The following ADARB1 variants were observed in gnomAD, a reference collection of about 807,000 sequenced individuals.
ADARB1 encodes the protein adenosine deaminase RNA specific B1, also known as double-stranded RNA-specific editase 1.
A neutral mutation model predicts 52.4 loss-of-function variants in ADARB1; 10 were observed. That is an observed-to-expected ratio of 0.19 (90% CI 0.12 to 0.32). ADARB1 has a LOEUF of 0.32. Among genes scored for constraint, ADARB1 ranks in the 10% least tolerant of loss-of-function variants. The pLI is 1.00. For synonymous variants in ADARB1, 349 were observed against 371.1 expected, an observed-to-expected ratio of 0.94 and a Z score of 0.68; for missense variants, 643 against 922.3, an observed-to-expected ratio of 0.70 and a Z score of 3.92.
intron 1 of ADARB1, among the ~76,000 whole-genome samples, chr21:45,127,944 T>A (rs1350374519): frequency 6.6e-6 from 1 of 152,224 alleles, no homozygotes; most frequent in Non-Finnish European, 1.5e-5. Flanking sequence ...CAACCTCTGC[T>A]TCAGAAGCAG....
chr21:45,136,417 A>G (rs180800022), intron 2 of ADARB1, among the ~76,000 whole-genome samples: 7 of 152,348 alleles, frequency 4.6e-5, no homozygotes, highest in Admixed American at 1.3e-4. Flanking sequence ...AGATTTAGGG[A>G]AAATAACGTC....
intron 1 of ADARB1, among the ~76,000 whole-genome samples, chr21:45,079,574 G>T (rs1410981376): frequency 6.6e-6 from 1 of 152,164 alleles, no homozygotes; most frequent in Non-Finnish European, 1.5e-5. Flanking sequence ...TTGGGTCATT[G>T]TGCAGCTACT....
At chr21:45,171,139 C>T (rs1176650565) in intron 2 of ADARB1, among the ~76,000 whole-genome samples, 2 of 152,336 alleles carry the variant, frequency 1.3e-5, no homozygotes, top group East Asian at 3.9e-4. Context: ...TGAGGTCTGT[C>T]GCCATCTGTC....
intron 1 of ADARB1, among the ~76,000 whole-genome samples, chr21:45,109,208 C>CGCGCTTGTGTGTATATGTGTGT (rs2087405583): frequency 1.4e-5 from 2 of 148,012 alleles, no homozygotes; most frequent in Non-Finnish European, 3.0e-5. Context: ...CGTGTGTTTG[C>CGCGCTTGTGTGTATATGTGTGT]GCGCGTGTGT....
At position 45,200,887 on chromosome 21, in the gene ADARB1, A is replaced by G. The variant is rs1437500597; in HGVS notation, c.1566-3668A>G. Among the ~76,000 whole-genome samples the G allele has an allele frequency of 6.6e-6, 1 of 152,094 alleles. No homozygotes were observed. Among genetic ancestry groups the G allele is most frequent in the Non-Finnish European group, 1.5e-5 (1 of 68,006 alleles). ...CTCAGTCTCTCAGGCCGGGCCCTTT[A>G]CTGAATCAGGGGACAGATCAGATGA... On this transcript the variant is annotated intron_variant, in intron 8 of 10. Transcript: ENST00000348831. This position sits in a 1 kb window ranked among gnomAD's most constrained non-coding sequence, Gnocchi z 5.0.
chr21:45,206,560 CTTTTTTTTTTTT>C (rs71199660), intron 9 of ADARB1, among the ~76,000 whole-genome samples: 9 of 54,958 alleles, frequency 1.6e-4, no homozygotes, highest in African/African-American at 3.8e-4. Flanking sequence ...CTTCTCTGGT[CTTTTTTTTTTTT>C]TTTTTTTTTT....
chr21:45,150,369 C>T (rs1179113218), intron 2 of ADARB1, among the ~76,000 whole-genome samples: 1 of 151,942 alleles, frequency 6.6e-6, no homozygotes, highest in African/African-American at 2.4e-5. Flanking sequence ...AATAACAAAG[C>T]AAAAATTATA....
intron 6 of ADARB1, 51 bp from the exon 7 acceptor site, chr21:45,183,311 T>C: frequency 6.6e-7 from 1 of 1,514,294 alleles, no homozygotes; most frequent in Non-Finnish European, 8.8e-7. Flanking sequence ...TAGACTAAAA[T>C]TTAACTATAT....
intron 1 of ADARB1, among the ~76,000 whole-genome samples, chr21:45,077,485 G>A (rs2085986326): frequency 6.6e-6 from 1 of 152,066 alleles, no homozygotes; most frequent in Non-Finnish European, 1.5e-5. Context: ...CTAACACGGT[G>A]AAAACCCGTC....
intron 1 of ADARB1, among the ~76,000 whole-genome samples, chr21:45,124,458 T>C (rs1280659470): frequency 1.3e-5 from 2 of 152,178 alleles, no homozygotes; most frequent in Non-Finnish European, 2.9e-5. Context: ...CACTGCAGCC[T>C]CTGCCTCCTG....
intron 2 of ADARB1, among the ~76,000 whole-genome samples, chr21:45,164,904 A>G (rs1208959416): frequency 1.3e-5 from 2 of 152,078 alleles, no homozygotes; most frequent in East Asian, 3.9e-4. Flanking sequence ...GAGGGGAGAG[A>G]GAACCAGGTA....
intron 1 of ADARB1, among the ~76,000 whole-genome samples, chr21:45,087,239 A>G (rs960756204): frequency 2.0e-5 from 3 of 152,240 alleles, no homozygotes; most frequent in Non-Finnish European, 4.4e-5. Flanking sequence ...GACCTCCAAC[A>G]ATGTGAAAAT....
chr21:45,168,864 G>A (rs912746873), intron 2 of ADARB1, among the ~76,000 whole-genome samples: 5 of 151,966 alleles, frequency 3.3e-5, no homozygotes, highest in Non-Finnish European at 7.4e-5. Context: ...TCTGTTTCTC[G>A]ATGTGACAAG....
chr21:45,110,425 C>T (rs889377957), intron 1 of ADARB1, among the ~76,000 whole-genome samples: 2 of 152,156 alleles, frequency 1.3e-5, no homozygotes, highest in African/African-American at 4.8e-5. Flanking sequence ...GGTGTGGTGA[C>T]TTGGGGACCG....
intron 9 of ADARB1, among the ~76,000 whole-genome samples, chr21:45,216,901 G>T (rs1002873507): frequency 7.2e-5 from 11 of 151,822 alleles, no homozygotes; most frequent in Non-Finnish European, 1.3e-4. Flanking sequence ...GCATAAAAAT[G>T]TAGGATTGTT....
At chr21:45,082,632 A>G (rs1255702733) in intron 1 of ADARB1, among the ~76,000 whole-genome samples, 2 of 152,162 alleles carry the variant, frequency 1.3e-5, no homozygotes, top group Non-Finnish European at 2.9e-5. Context: ...GTGACTTCCT[A>G]GGAAAGCTGG....
chr21:45,103,167 G>A lies in ADARB1; in HGVS notation c.-219-25235G>A, dbSNP rs111558841. ...GGGAGCCATGACATCTCAATGTCAC[G>A]TGGGATCCTGGACGACTGAATCTGA... On this transcript the variant is annotated intron_variant, in intron 1 of 10. Coordinates refer to ENST00000348831, the MANE Select transcript of ADARB1 (RefSeq NM_001112.4). Among the ~76,000 whole-genome samples, 1,264 of 152,272 alleles carry A rather than the reference G, an allele frequency of 8.3e-3. 24 individuals carry two copies. Among genetic ancestry groups the A allele is most frequent in the African/African-American group, 0.028 (1,179 of 41,538 alleles).
chr21:45,185,192 A>C, intron 8 of ADARB1, 101 bp downstream of exon 8: 1 of 1,437,358 alleles, frequency 7.0e-7, no homozygotes, highest in East Asian at 2.3e-5. Flanking sequence ...TTTTGGCCCC[A>C]TTTCCCACTC....
chr21:45,186,333 A>G (rs1449198015), intron 8 of ADARB1, among the ~76,000 whole-genome samples: 2 of 152,148 alleles, frequency 1.3e-5, no homozygotes, highest in Non-Finnish European at 2.9e-5. Flanking sequence ...TCATGATGGG[A>G]CACCCATATT....
Sources: gnomAD v4.1 joint callset for allele counts (sites outside exome capture counted in the v4.1 genomes callset) on GRCh38, gnomAD v4.1.1 for gene constraint, Gnocchi (gnomAD v3.1) non-coding constraint, MANE v1.5 for transcripts, NCBI Gene and HGNC (gene_info 2026-07-23, HGNC 2026-07-21) for gene names.